Variants in COL4A2 observed in about 807,000 individuals in gnomAD.
The protein encoded by COL4A2 is collagen type IV alpha 2 chain.
COL4A2 carries 99 observed loss-of-function variants against 200.2 expected under a neutral mutation model. The ratio of observed to expected loss-of-function variants is 0.49; its 90% CI spans 0.42 to 0.58. The LOEUF (loss-of-function observed/expected upper bound fraction) is 0.58. Ranked by LOEUF, COL4A2 falls within the 20% of genes least tolerant of loss-of-function variation. The pLI is 0.00. For synonymous variants in COL4A2, 897 were observed against 900.6 expected (o/e 1.00, Z 0.07); for missense variants, 1,950 against 2,314.1 (o/e 0.84, Z 3.23).
chr13:110,440,241 T>C (rs1319166623), intron 16 of COL4A2, among the ~76,000 whole-genome samples: 1 of 152,166 alleles, frequency 6.6e-6, no homozygotes, highest in Non-Finnish European at 1.5e-5. Context: ...ACCCAATTAT[T>C]TTTATCATGA....
chr13:110,449,628 G>T, intron 18 of COL4A2, 51 bp from the exon 19 acceptor site: 1 of 1,489,746 alleles, frequency 6.7e-7, no homozygotes, highest in South Asian at 1.3e-5. Context: ...CGCCAGCTGC[G>T]ATCCGTAGAC....
Position 110,439,768 on chromosome 13 carries a change from T to C in COL4A2, c.913-21T>C, listed in dbSNP as rs201284171. 483 of 1,613,918 alleles carry C rather than the reference T, an allele frequency of 3.0e-4. 4 individuals carry two copies. In the Middle Eastern group the frequency reaches 0.024, roughly 81 times the overall value. ...TACTGCATATTCTGAGCTGTTTGCT[T>C]CTGTTTTTTGTTCATTCCAGGGTTA... On this transcript the variant is annotated intron_variant, in intron 15 of 47. Transcript: ENST00000360467.
intron 3 of COL4A2, among the ~76,000 whole-genome samples, chr13:110,349,727 G>A (rs964704851): frequency 2.6e-5 from 4 of 151,956 alleles, no homozygotes; most frequent in African/African-American, 9.7e-5. Flanking sequence ...GATGTCTATG[G>A]TAAATCTATC....
intron 3 of COL4A2, among the ~76,000 whole-genome samples, chr13:110,351,480 C>G (rs972150570): frequency 3.3e-5 from 5 of 152,210 alleles, no homozygotes; most frequent in African/African-American, 1.2e-4. Flanking sequence ...GGTCCTTCAT[C>G]TCTTCCTTGC....
chr13:110,352,598 C>T (rs1454721541), intron 3 of COL4A2, among the ~76,000 whole-genome samples: 1 of 152,116 alleles, frequency 6.6e-6, no homozygotes, highest in Non-Finnish European at 1.5e-5. Flanking sequence ...CCTCCCAGCC[C>T]CTTGCCCTTT....
intron 45 of COL4A2, among the ~76,000 whole-genome samples, chr13:110,505,865 T>C (rs1214265688): frequency 1.3e-5 from 2 of 152,162 alleles, no homozygotes; most frequent in Non-Finnish European, 2.9e-5. Flanking sequence ...GCCAGGCACG[T>C]TGGGCACATC....
intron 4 of COL4A2, among the ~76,000 whole-genome samples, chr13:110,388,303 G>GA (rs1878844644): frequency 6.6e-6 from 1 of 152,234 alleles, no homozygotes; most frequent in Admixed American, 6.5e-5. Context: ...GAGGCACTGG[G>GA]AGCACGCTGG....
rs1313380087 is a variant in COL4A2 at position 110,437,858 on chromosome 13, AAG to A, written c.826-141_826-140del. 5.6e-6 allele frequency: 4 copies of A among 714,190 alleles called. No homozygotes were observed. In the East Asian group the frequency reaches 7.8e-5, roughly 14 times the overall value. 44.2% of individuals were successfully genotyped at this position (714,190 alleles called of 1,614,324 possible). ...CTTGAATTTTGAAGCTGCAAAATTT[AAG>A]AGTCATGTGTTGTAATCAATTTATG... is the stretch of plus-strand genomic sequence containing the variant. On this transcript the variant is annotated intron_variant, in intron 13 of 47. Coordinates refer to ENST00000360467, the MANE Select transcript of COL4A2 (RefSeq NM_001846.4).
At chr13:110,335,472 C>T (rs1159280226) in intron 3 of COL4A2, among the ~76,000 whole-genome samples, 1 of 152,162 alleles carries the variant, frequency 6.6e-6, no homozygotes, top group Non-Finnish European at 1.5e-5. Flanking sequence ...TTGTCTGCCA[C>T]CATGTAAGAC....
At position 110,513,194 on chromosome 13, in the gene COL4A2, C is replaced by T. The variant is rs1487598204; in HGVS notation, c.*1003C>T. ...TCTCGGGGAATGTGTTTGTTTATAACTCACTAATGCTTACAGAAAACACCC... is the reference window on the plus strand; with the variant it reads ...TCTCGGGGAATGTGTTTGTTTATAATTCACTAATGCTTACAGAAAACACCC... On this transcript the variant is annotated 3_prime_UTR_variant, in exon 48 of 48. Coordinates refer to ENST00000360467, the MANE Select transcript of COL4A2 (RefSeq NM_001846.4). Among the ~76,000 whole-genome samples, 1 of 152,150 alleles carries T rather than the reference C, an allele frequency of 6.6e-6. No homozygotes were observed. The highest frequency in any genetic ancestry group is 1.5e-5 in the Non-Finnish European group (1 of 68,036).
intron 20 of COL4A2, among the ~76,000 whole-genome samples, chr13:110,456,235 C>T (rs1881728923): frequency 6.6e-6 from 1 of 152,240 alleles, no homozygotes; most frequent in Admixed American, 6.5e-5. Context: ...TCCAACATGG[C>T]TGACCATGCT....
intron 4 of COL4A2, among the ~76,000 whole-genome samples, chr13:110,377,072 C>G (rs1281994708): frequency 6.6e-6 from 1 of 151,204 alleles, no homozygotes; most frequent in Non-Finnish European, 1.5e-5. Flanking sequence ...TCACTATGTT[C>G]AGTTATTGAT....
At chr13:110,332,499 C>G (rs1483383103) in intron 3 of COL4A2, among the ~76,000 whole-genome samples, 3 of 152,186 alleles carry the variant, frequency 2.0e-5, no homozygotes, top group Admixed American at 2.0e-4. Flanking sequence ...ATAGACAGGA[C>G]GGCTCCCACA....
At chr13:110,328,142 GA>G (rs1322002088) in intron 3 of COL4A2, among the ~76,000 whole-genome samples, 2 of 152,176 alleles carry the variant, frequency 1.3e-5, no homozygotes, top group African/African-American at 4.8e-5. Flanking sequence ...ATCTGTTTAA[GA>G]AAAAAATCTT....
chr13:110,336,532 T>G (rs149091126), intron 3 of COL4A2, among the ~76,000 whole-genome samples: 30 of 152,284 alleles, frequency 2.0e-4, no homozygotes, highest in African/African-American at 7.2e-4. Flanking sequence ...CGACCTGGCC[T>G]AGTAGGCCTC....
Position 110,504,046 on chromosome 13 carries a change from AGGGCCTGCT to A in COL4A2, c.4285+56_4285+64del, listed in dbSNP as rs996141285. The A allele has an allele frequency of 1.9e-6, 3 of 1,554,348 alleles. No homozygotes were observed. In the African/African-American group the frequency reaches 4.1e-5, roughly 21 times the overall value. ...CCCTCGGGGCTGCCCGGGCAAGGCC[AGGGCCTGCT>A]GGCATTGCGTCCTCTTGTGTTCTCT... On this transcript the variant is annotated intron_variant, in intron 44 of 47. Coordinates refer to ENST00000360467, the MANE Select transcript of COL4A2 (RefSeq NM_001846.4).
intron 4 of COL4A2, among the ~76,000 whole-genome samples, chr13:110,424,200 T>A (rs1014355024): frequency 1.2e-4 from 19 of 152,056 alleles, no homozygotes; most frequent in Non-Finnish European, 2.8e-4. Context: ...TACTTATAAC[T>A]TTTTTTAATA....
chr13:110,395,662 TG>T (rs1879157928), intron 4 of COL4A2, among the ~76,000 whole-genome samples: 1 of 152,212 alleles, frequency 6.6e-6, no homozygotes, highest in Non-Finnish European at 1.5e-5. Flanking sequence ...AGTCCATTTC[TG>T]GCAGGGCGCA....
At chr13:110,447,963 G>A (rs1212917576) in intron 18 of COL4A2, among the ~76,000 whole-genome samples, 1 of 152,186 alleles carries the variant, frequency 6.6e-6, no homozygotes, top group East Asian at 1.9e-4. Context: ...TCAAAACGCA[G>A]GACAGAACAG....
Sources: allele counts gnomAD v4.1 joint callset (sites outside exome capture counted in the v4.1 genomes callset), GRCh38; gene constraint gnomAD v4.1.1; transcripts MANE v1.5; gene names NCBI Gene and HGNC (gene_info 2026-07-23, HGNC 2026-07-21).